The following ERC2 variants were observed in gnomAD, a reference collection of about 807,000 sequenced individuals.
The protein encoded by ERC2 is ERC protein 2.
Under a neutral mutation model 114.8 loss-of-function variants are expected in ERC2, and 42 were observed. That is an observed-to-expected ratio of 0.37 (90% CI 0.29 to 0.47). The LOEUF is 0.47. Ranked by LOEUF, ERC2 falls within the 20% of genes least tolerant of loss-of-function variation. The pLI is 0.99. For missense variants in ERC2, 939 were observed against 1,150.7 expected (o/e 0.82, Z 2.66); for synonymous variants, 454 against 425.5 (o/e 1.07, Z -0.82).
At chr3:56,363,695 A>G (rs532931176) in intron 2 of ERC2, among the ~76,000 whole-genome samples, 4 of 152,176 alleles carry the variant, frequency 2.6e-5, no homozygotes, top group African/African-American at 9.6e-5. Context: ...AATTGGGCAA[A>G]ACTACAAATT....
At chr3:56,369,038 A>C (rs1443085966) in intron 2 of ERC2, among the ~76,000 whole-genome samples, 3 of 152,192 alleles carry the variant, frequency 2.0e-5, no homozygotes, top group African/African-American at 7.2e-5. Flanking sequence ...TCAGAAGCAC[A>C]CAGCTGATGA....
At chr3:56,303,394 G>T (rs1283482301) in intron 2 of ERC2, among the ~76,000 whole-genome samples, 1 of 152,134 alleles carries the variant, frequency 6.6e-6, no homozygotes, top group Non-Finnish European at 1.5e-5. Context: ...ATACGCAAAT[G>T]GAAGGGGAGA....
At chr3:56,350,116 G>C (rs1240654630) in intron 2 of ERC2, among the ~76,000 whole-genome samples, 2 of 152,150 alleles carry the variant, frequency 1.3e-5, no homozygotes, top group Non-Finnish European at 2.9e-5. Flanking sequence ...GGGGGACAAA[G>C]CAATATCACT....
intron 17 of ERC2, among the ~76,000 whole-genome samples, chr3:55,637,382 A>G (rs1166051376): frequency 6.6e-6 from 1 of 152,240 alleles, no homozygotes; most frequent in Non-Finnish European, 1.5e-5. Context: ...CTTAGGTAGC[A>G]TCTCTACCTG....
At chr3:56,312,286 T>C (rs572842778) in intron 2 of ERC2, among the ~76,000 whole-genome samples, 11 of 152,288 alleles carry the variant, frequency 7.2e-5, no homozygotes, top group African/African-American at 2.6e-4. Context: ...AGAAGACCTT[T>C]AAAAATTATC....
At chr3:55,627,326 C>T (rs2059557233) in intron 17 of ERC2, among the ~76,000 whole-genome samples, 1 of 152,074 alleles carries the variant, frequency 6.6e-6, no homozygotes, top group South Asian at 2.1e-4. Flanking sequence ...ATTAGTCAGG[C>T]ATGATGGTGG....
intron 3 of ERC2, among the ~76,000 whole-genome samples, chr3:56,220,410 G>A (rs2049825360): frequency 6.6e-6 from 1 of 152,298 alleles, no homozygotes; most frequent in Admixed American, 6.5e-5. Context: ...TACAATCAGG[G>A]TTTCGGTTGC....
intron 17 of ERC2, among the ~76,000 whole-genome samples, chr3:55,568,908 G>A (rs2056537226): frequency 6.6e-6 from 1 of 152,082 alleles, no homozygotes; most frequent in South Asian, 2.1e-4. Context: ...CTCATGTCAC[G>A]TGTCATGAAC....
intron 6 of ERC2, among the ~76,000 whole-genome samples, chr3:56,081,882 A>G (rs1040950244): frequency 1.3e-5 from 2 of 152,152 alleles, no homozygotes; most frequent in Admixed American, 6.5e-5. Context: ...GATATACAAC[A>G]CCATATTTGC....
intron 14 of ERC2, among the ~76,000 whole-genome samples, chr3:55,861,227 G>C (rs1331341573): frequency 6.6e-6 from 1 of 152,164 alleles, no homozygotes; most frequent in South Asian, 2.1e-4. Context: ...GACATCAAAG[G>C]CAGATCCATC....
At chr3:55,812,245 A>G (rs2059746082) in intron 14 of ERC2, among the ~76,000 whole-genome samples, 1 of 152,202 alleles carries the variant, frequency 6.6e-6, no homozygotes, top group African/African-American at 2.4e-5. Flanking sequence ...CTAGCAAGGT[A>G]CCTTCTCCCA....
At chr3:55,747,210 T>A (rs1335988782) in intron 14 of ERC2, among the ~76,000 whole-genome samples, 1 of 152,208 alleles carries the variant, frequency 6.6e-6, no homozygotes, top group East Asian at 1.9e-4. Flanking sequence ...TTGACTAAAG[T>A]CTAGTTTCAA....
At chr3:55,784,578 G>C (rs2069331355) in intron 14 of ERC2, among the ~76,000 whole-genome samples, 2 of 152,166 alleles carry the variant, frequency 1.3e-5, no homozygotes, top group African/African-American at 2.4e-5. Flanking sequence ...CCAGTGTTTT[G>C]AGTACGTCTC....
At position 55,969,880 on chromosome 3, in the gene ERC2, A is replaced by G. The variant is rs1158007842; in HGVS notation, c.2267+16097T>C. Among the ~76,000 whole-genome samples, 16 of 152,194 alleles carry G rather than the reference A, an allele frequency of 1.1e-4. No homozygotes were observed. In the East Asian group the frequency reaches 3.1e-3, roughly 29 times the overall value. On this transcript the variant is annotated intron_variant, in intron 12 of 17. Coordinates refer to ENST00000288221, the MANE Select transcript of ERC2 (RefSeq NM_015576.3). ...TTTTTAAATTTCATTTTATGGCACT[A>G]TAAAATGAGGCCATACCCTGAGCAT...
intron 2 of ERC2, among the ~76,000 whole-genome samples, chr3:56,424,168 T>C (rs2061484447): frequency 6.6e-6 from 1 of 152,172 alleles, no homozygotes; most frequent in Non-Finnish European, 1.5e-5. Flanking sequence ...GGGGTGAATG[T>C]TTTGGGAGTG....
chr3:56,125,947 T>A (rs1442167628), intron 6 of ERC2, among the ~76,000 whole-genome samples: 1 of 152,200 alleles, frequency 6.6e-6, no homozygotes, highest in Non-Finnish European at 1.5e-5. Context: ...TTTTAATGTT[T>A]TATTATATAA....
At chr3:56,150,851 T>C (rs2081376468) in intron 4 of ERC2, among the ~76,000 whole-genome samples, 1 of 152,108 alleles carries the variant, frequency 6.6e-6, no homozygotes, top group African/African-American at 2.4e-5. Flanking sequence ...GTGATGGTAT[T>C]TGGAGATGGG....
chr3:55,972,014 T>C (rs903761576), intron 12 of ERC2, among the ~76,000 whole-genome samples: 1 of 152,206 alleles, frequency 6.6e-6, no homozygotes, highest in African/African-American at 2.4e-5. Context: ...GTTTTCATTG[T>C]CCAGACACTG....
intron 14 of ERC2, among the ~76,000 whole-genome samples, chr3:55,748,023 G>A (rs905217280): frequency 6.6e-6 from 1 of 152,212 alleles, no homozygotes; most frequent in Non-Finnish European, 1.5e-5. Flanking sequence ...GACAGCAGCT[G>A]CAGAAGGAAA....
Sources: allele counts gnomAD v4.1 joint callset (sites outside exome capture counted in the v4.1 genomes callset), GRCh38; gene constraint gnomAD v4.1.1; transcripts MANE v1.5; gene names NCBI Gene and HGNC (gene_info 2026-07-23, HGNC 2026-07-21).